The following SH3GL3 variants were observed in gnomAD, a reference collection of about 807,000 sequenced individuals.
SH3GL3 encodes SH3 domain containing GRB2 like 3, endophilin A3, also known as endophilin-A3.
Under a neutral mutation model 47.7 loss-of-function variants are expected in SH3GL3, and 33 were observed. The ratio of observed to expected loss-of-function variants is 0.69; its 90% CI spans 0.52 to 0.92. The LOEUF (loss-of-function observed/expected upper bound fraction) is 0.92. SH3GL3 is among the 40% of genes least tolerant of loss of function. The pLI, the probability that SH3GL3 is intolerant of heterozygous loss-of-function variation, is 0.00. For synonymous variants in SH3GL3, 155 were observed against 148.8 expected (o/e 1.04, Z -0.30); for missense variants, 363 against 417.8 (o/e 0.87, Z 1.14).
chr15:83,551,626 C>T (rs1483988564), intron 1 of SH3GL3, among the ~76,000 whole-genome samples: 1 of 152,170 alleles, frequency 6.6e-6, no homozygotes, highest in Non-Finnish European at 1.5e-5. Context: ...CAGATCTGTT[C>T]TTATCACTCA....
intron 1 of SH3GL3, among the ~76,000 whole-genome samples, chr15:83,558,592 GC>G: frequency 6.6e-6 from 1 of 152,122 alleles, no homozygotes; most frequent in East Asian, 1.9e-4. Flanking sequence ...GCACAGGACA[GC>G]CCCCACAACA....
At chr15:83,487,834 AT>A (rs917945993) in intron 1 of SH3GL3, among the ~76,000 whole-genome samples, 30 of 117,020 alleles carry the variant, frequency 2.6e-4, no homozygotes, top group African/African-American at 6.3e-4. Flanking sequence ...CTCACTATCC[AT>A]TTTTTTTTCT....
At chr15:83,578,568 C>G (rs952525356) in intron 6 of SH3GL3, among the ~76,000 whole-genome samples, 1 of 152,068 alleles carries the variant, frequency 6.6e-6, no homozygotes, top group African/African-American at 2.4e-5. Flanking sequence ...AGAATTTATT[C>G]TCCCAACTGG....
chr15:83,559,292 C>G lies in SH3GL3; in HGVS notation c.85C>G (p.Leu29Val). Residue 29 changes from leucine to valine, a missense_variant, in exon 2 of 9, where the codon CTA becomes GTA. Leu to Val is a conservative substitution (Grantham distance 32). Coordinates refer to ENST00000427482, the MANE Select transcript of SH3GL3 (RefSeq NM_003027.5). The stretch of plus-strand genomic sequence containing the variant: ...AATAAGTGGTGCTGAAGGAACTAAA[C>G]TAGACGATGAATTTCTTGACATGGA... ...EKISGAEGTK[L>V]DDEFLDMERK... 1 of 1,592,960 alleles carries G rather than the reference C, an allele frequency of 6.3e-7. No homozygotes were observed. The highest frequency in any genetic ancestry group is 8.6e-7 in the Non-Finnish European group (1 of 1,160,784).
chr15:83,456,452 A>G (rs1425679239), intron 1 of SH3GL3, among the ~76,000 whole-genome samples: 8 of 62,238 alleles, frequency 1.3e-4, no homozygotes, highest in African/African-American at 2.6e-4. Flanking sequence ...TGTGCTAGCA[A>G]TCAGCGCGAT....
downstream of SH3GL3, among the ~76,000 whole-genome samples, chr15:83,622,885 T>C (rs950868829): frequency 6.6e-6 from 1 of 152,226 alleles, no homozygotes; most frequent in African/African-American, 2.4e-5. Context: ...CTCCCTTCTG[T>C]TGGGCACAGA....
chr15:83,617,949 G>A, intron 8 of SH3GL3, 133 bp from the exon 9 acceptor site: 1 of 652,746 alleles, frequency 1.5e-6, no homozygotes, highest in Non-Finnish European at 2.7e-6. Context: ...CCGTGAGCTG[G>A]GTGGAGCTGG....
intron 1 of SH3GL3, among the ~76,000 whole-genome samples, chr15:83,532,456 T>C (rs1349298580): frequency 6.6e-6 from 1 of 152,166 alleles, no homozygotes; most frequent in Non-Finnish European, 1.5e-5. Context: ...ATATTTAGAC[T>C]GCAGAGGCCA....
chr15:83,592,691 T>C (rs116954034), intron 8 of SH3GL3, among the ~76,000 whole-genome samples: 1,753 of 152,370 alleles, frequency 0.012, 15 homozygotes, highest in Non-Finnish European at 0.018. Flanking sequence ...AGGAATCTTT[T>C]AAAAGTTCTT....
intron 1 of SH3GL3, among the ~76,000 whole-genome samples, chr15:83,471,107 C>T (rs1287877507): frequency 6.6e-6 from 1 of 152,052 alleles, no homozygotes; most frequent in African/African-American, 2.4e-5. Flanking sequence ...TTCTGATGTT[C>T]CAAGATTCTG....
intron 1 of SH3GL3, among the ~76,000 whole-genome samples, chr15:83,527,776 C>A (rs2043491577): frequency 6.6e-6 from 1 of 151,980 alleles, no homozygotes; most frequent in South Asian, 2.1e-4. Context: ...TTTTGTGGTT[C>A]TTTGTTCCTT....
chr15:83,629,276 G>A, the SH3GL3 span, among the ~76,000 whole-genome samples: 6 of 152,202 alleles, frequency 3.9e-5, no homozygotes, highest in African/African-American at 1.4e-4. Context: ...AAAACAAAGA[G>A]AAGAACAAAG....
Position 83,448,771 on chromosome 15 carries a change from C to G in SH3GL3, c.45+1193C>G, listed in dbSNP as rs754164158. 3.9e-5 allele frequency among the ~76,000 whole-genome samples: 6 copies of G among 152,008 alleles called. No individual in the cohort carries two copies. Among genetic ancestry groups the G allele is most frequent in the Non-Finnish European group, 5.9e-5 (4 of 67,994 alleles). ...AGCCCCAGTTCCAGGCTGAAAGGCACTGCTGTCCCCTCACTCACACTCTTT... is the reference window on the plus strand; with the variant it reads ...AGCCCCAGTTCCAGGCTGAAAGGCAGTGCTGTCCCCTCACTCACACTCTTT... On this transcript the variant is annotated intron_variant, in intron 1 of 8. Transcript: ENST00000427482. This position sits in a 1 kb window ranked among gnomAD's most constrained non-coding sequence, Gnocchi z 4.2.
chr15:83,471,383 C>G (rs1349442180), intron 1 of SH3GL3, among the ~76,000 whole-genome samples: 2 of 152,178 alleles, frequency 1.3e-5, no homozygotes, highest in Non-Finnish European at 2.9e-5. Flanking sequence ...TGTTTTCATT[C>G]TTTGAGTTTC....
intron 2 of SH3GL3, among the ~76,000 whole-genome samples, chr15:83,564,400 C>A (rs1177732205): frequency 6.6e-6 from 1 of 152,108 alleles, no homozygotes; most frequent in Non-Finnish European, 1.5e-5. Context: ...TTCATTATTG[C>A]ATTTTTATTG....
chr15:83,623,357 C>T (rs945232174), downstream of SH3GL3, among the ~76,000 whole-genome samples: 5 of 152,216 alleles, frequency 3.3e-5, no homozygotes, highest in African/African-American at 9.6e-5. Flanking sequence ...TGGGCTCACT[C>T]ACGGGACTGG....
At chr15:83,457,909 A>T (rs912621995) in intron 1 of SH3GL3, among the ~76,000 whole-genome samples, 3 of 152,176 alleles carry the variant, frequency 2.0e-5, no homozygotes, top group African/African-American at 7.2e-5. Context: ...TCATGGTATC[A>T]CTTGGAATTT....
intron 6 of SH3GL3, among the ~76,000 whole-genome samples, chr15:83,578,675 A>AT (rs1245126229): frequency 9.8e-4 from 141 of 143,324 alleles, no homozygotes; most frequent in African/African-American, 3.0e-3. Context: ...TTTTTTTTAC[A>AT]TTTTTTTTGG....
intron 5 of SH3GL3, among the ~76,000 whole-genome samples, chr15:83,573,402 C>A (rs1284450352): frequency 6.6e-6 from 1 of 152,188 alleles, no homozygotes; most frequent in Non-Finnish European, 1.5e-5. Flanking sequence ...AAGTGTGGTC[C>A]CTGGACCAGC....
Sources: allele counts gnomAD v4.1 joint callset (sites outside exome capture counted in the v4.1 genomes callset), GRCh38; gene constraint gnomAD v4.1.1; non-coding constraint Gnocchi (gnomAD v3.1); transcripts MANE v1.5; gene names NCBI Gene and HGNC (gene_info 2026-07-23, HGNC 2026-07-21).